CLTCL1: variants seen among roughly 807,000 people sequenced by gnomAD.
CLTCL1 encodes the protein clathrin heavy chain 2.
Under a neutral mutation model 190.0 loss-of-function variants are expected in CLTCL1, and 159 were observed. That is an observed-to-expected ratio of 0.84 (90% CI 0.74 to 0.95). The LOEUF (loss-of-function observed/expected upper bound fraction) is 0.95, where lower values mean the gene tolerates loss of function less well. Among genes scored for constraint, CLTCL1 ranks in the 40% least tolerant of loss-of-function variants. The pLI is 0.00. For synonymous variants in CLTCL1, 752 were observed against 769.6 expected (o/e 0.98, Z 0.38); for missense variants, 1,878 against 2,033.4 (o/e 0.92, Z 1.47).
chr22:19,183,098 G>A (rs984210644), intron 30 of CLTCL1: 5 of 395,478 alleles, frequency 1.3e-5, no homozygotes, highest in South Asian at 7.7e-5. Context: ...GGATGAGCAC[G>A]CCTGTTGTGC....
intron 27 of CLTCL1, 102 bp downstream of exon 27, chr22:19,191,202 T>TG: frequency 7.1e-7 from 1 of 1,415,406 alleles, no homozygotes; most frequent in Non-Finnish European, 9.7e-7. Flanking sequence ...TCAAGTCAGC[T>TG]GGGGGTCATT....
intron 3 of CLTCL1, among the ~76,000 whole-genome samples, chr22:19,252,862 A>C (rs2086635696): frequency 6.6e-6 from 1 of 152,184 alleles, no homozygotes; most frequent in Non-Finnish European, 1.5e-5. Context: ...AAAATACAAA[A>C]AATTAGCCAG....
At chr22:19,280,938 G>C (rs1198477769) in intron 1 of CLTCL1, among the ~76,000 whole-genome samples, 1 of 151,932 alleles carries the variant, frequency 6.6e-6, no homozygotes, top group Non-Finnish European at 1.5e-5. Flanking sequence ...GGGTTGGGGG[G>C]AGGAGTGTGA....
intron 4 of CLTCL1, among the ~76,000 whole-genome samples, chr22:19,240,402 G>GT (rs1247892024): frequency 6.6e-6 from 1 of 152,110 alleles, no homozygotes; most frequent in Non-Finnish European, 1.5e-5. Context: ...TGGAGGGGCA[G>GT]TCTGGGTTTG....
intron 29 of CLTCL1, among the ~76,000 whole-genome samples, chr22:19,185,059 T>C (rs980199082): frequency 6.6e-6 from 1 of 152,256 alleles, no homozygotes; most frequent in Admixed American, 6.5e-5. Context: ...GGCTTTGCCC[T>C]GACTGGACAC....
chr22:19,283,009 C>T (rs1359794056), intron 1 of CLTCL1, among the ~76,000 whole-genome samples: 1 of 150,534 alleles, frequency 6.6e-6, no homozygotes, highest in African/African-American at 2.4e-5. Context: ...GTAGCTGGGA[C>T]TACAAGTGCC....
At chr22:19,248,316 A>AT (rs1161751211) in intron 3 of CLTCL1, among the ~76,000 whole-genome samples, 1 of 151,766 alleles carries the variant, frequency 6.6e-6, no homozygotes, top group African/African-American at 2.4e-5. Context: ...AAAATTATGA[A>AT]TTTTTTTGCA....
intron 3 of CLTCL1, among the ~76,000 whole-genome samples, chr22:19,243,704 T>C (rs1282889805): frequency 3.4e-5 from 5 of 145,564 alleles, no homozygotes; most frequent in Non-Finnish European, 6.1e-5. Context: ...TTTCTTTTTT[T>C]TTTTTTTTTT....
At chr22:19,274,900 G>A (rs184244705) in intron 2 of CLTCL1, among the ~76,000 whole-genome samples, 40 of 151,974 alleles carry the variant, frequency 2.6e-4, no homozygotes, top group Admixed American at 2.6e-3. Flanking sequence ...CTAATTTTTT[G>A]TATTTTTAAT....
intron 18 of CLTCL1, among the ~76,000 whole-genome samples, chr22:19,216,744 G>A (rs1382529287): frequency 1.3e-5 from 2 of 152,172 alleles, no homozygotes; most frequent in Non-Finnish European, 2.9e-5. Context: ...CAAAAGACTG[G>A]CTGTGCCACC....
chr22:19,224,851 T>A (rs1372342823), intron 13 of CLTCL1, among the ~76,000 whole-genome samples: 3 of 152,212 alleles, frequency 2.0e-5, no homozygotes, highest in African/African-American at 7.2e-5. Context: ...CACATGGCAG[T>A]GGCTTGATGC....
chr22:19,186,676 C>T (rs2084326260), intron 29 of CLTCL1, among the ~76,000 whole-genome samples: 1 of 152,100 alleles, frequency 6.6e-6, no homozygotes, highest in South Asian at 2.1e-4. Flanking sequence ...TCTCCGCTCA[C>T]TGCAACCTCC....
chr22:19,262,354 C>T (rs2086976482), intron 2 of CLTCL1, among the ~76,000 whole-genome samples: 1 of 151,284 alleles, frequency 6.6e-6, no homozygotes. Context: ...AATTGCCAGC[C>T]TGTCGCGGTG....
chr22:19,210,613 T>C, intron 19 of CLTCL1, 104 bp from the exon 20 acceptor site: 1 of 778,110 alleles, frequency 1.3e-6, no homozygotes, highest in Non-Finnish European at 2.0e-6. Context: ...TTTAAAAAAG[T>C]AATTAATATA....
intron 18 of CLTCL1, among the ~76,000 whole-genome samples, chr22:19,217,571 G>A (rs111855180): frequency 3.1e-4 from 38 of 122,408 alleles, no homozygotes; most frequent in African/African-American, 8.7e-4. Context: ...AGCCGAGATC[G>A]CGCCACTGTA....
chr22:19,239,077 C>T (rs1378024207), intron 5 of CLTCL1, among the ~76,000 whole-genome samples, 198 bp downstream of exon 5: 3 of 152,174 alleles, frequency 2.0e-5, no homozygotes, highest in Non-Finnish European at 4.4e-5. Flanking sequence ...CTAACTCACC[C>T]TCATGCCGGG....
At position 19,226,272 on chromosome 22, in the gene CLTCL1, C is replaced by T. The variant is rs781858346; in HGVS notation, c.1894G>A (p.Asp632Asn). Residue 632 changes from aspartate (D) to asparagine (N), a missense_variant, in exon 12 of 33, where the codon GAC (aspartate) becomes AAC (asparagine). Coordinates refer to ENST00000427926, the MANE Select transcript of CLTCL1 (RefSeq NM_007098.4). ...LLQQALEHYTDLYDIKRAVVH... is the reference protein window; with the variant it reads ...LLQQALEHYTNLYDIKRAVVH... Reference sequence around the variant, plus strand: ...ACAGCCCTCTTGATGTCATAGAGGTCGGTGTAGTGCTCCAGTGCTTGCTGC... The same window carrying T: ...ACAGCCCTCTTGATGTCATAGAGGTTGGTGTAGTGCTCCAGTGCTTGCTGC... 55 of 1,613,968 alleles carry T rather than the reference C, an allele frequency of 3.4e-5. No individual in the cohort carries two copies. Among genetic ancestry groups the T allele is most frequent in the Admixed American group, 1.2e-4 (7 of 60,026 alleles).
chr22:19,190,642 T>C (rs2084465923), intron 27 of CLTCL1, among the ~76,000 whole-genome samples: 1 of 141,270 alleles, frequency 7.1e-6, no homozygotes, highest in African/African-American at 2.6e-5. Flanking sequence ...CAGATCACCA[T>C]AACATATATA....
chr22:19,245,355 G>C (rs1555967534), intron 3 of CLTCL1, among the ~76,000 whole-genome samples: 1 of 151,832 alleles, frequency 6.6e-6, no homozygotes, highest in Non-Finnish European at 1.5e-5. Context: ...AAGCATGCCT[G>C]GCTAATTTTT....
Sources: gnomAD v4.1 joint callset for allele counts (sites outside exome capture counted in the v4.1 genomes callset) on GRCh38, gnomAD v4.1.1 for gene constraint, MANE v1.5 for transcripts, NCBI Gene and HGNC (gene_info 2026-07-23, HGNC 2026-07-21) for gene names.